Variants in STAU2 observed in about 807,000 individuals in gnomAD.
STAU2 encodes staufen double-stranded RNA binding protein 2.
STAU2 carries 20 observed loss-of-function variants against 65.9 expected under a neutral mutation model. That is an observed-to-expected ratio of 0.30 (90% CI 0.21 to 0.44). STAU2 has a LOEUF of 0.44. Among genes scored for constraint, STAU2 ranks in the 20% least tolerant of loss-of-function variants. STAU2 has a pLI of 1.00. For synonymous variants in STAU2, 232 were observed against 233.9 expected (o/e 0.99, Z 0.07); for missense variants, 558 against 683.9 (o/e 0.82, Z 2.05).
intron 13 of STAU2, among the ~76,000 whole-genome samples, chr8:73,523,335 A>G (rs924375137): frequency 2.0e-5 from 3 of 152,082 alleles, no homozygotes; most frequent in Non-Finnish European, 2.9e-5. Flanking sequence ...AGAGCACAGG[A>G]GAGGCAAGAG....
At chr8:73,697,004 A>G (rs1176448116) in intron 4 of STAU2, among the ~76,000 whole-genome samples, 1 of 152,114 alleles carries the variant, frequency 6.6e-6, no homozygotes, top group African/African-American at 2.4e-5. Context: ...GAAATAAATA[A>G]CATACAATAG....
chr8:73,526,917 G>A lies in STAU2; in HGVS notation c.1530+25095C>T, dbSNP rs548414391. Among the ~76,000 whole-genome samples, 7 of 152,232 alleles carry A rather than the reference G, an allele frequency of 4.6e-5. No individual in the cohort carries two copies. The South Asian group carries it at 1.2e-3, about 27-fold the overall frequency. ...GAACTTTATTTCAATAATATCCCAA[G>A]TTATGGGACTAAGTTGATGGTTCTG... is the stretch of plus-strand genomic sequence containing the variant. On this transcript the variant is annotated intron_variant, in intron 13 of 14. Transcript: ENST00000524300.
chr8:73,734,561 C>T (rs1375761148), intron 3 of STAU2, among the ~76,000 whole-genome samples: 4 of 152,030 alleles, frequency 2.6e-5, no homozygotes, highest in South Asian at 4.1e-4. Flanking sequence ...TTTGAAAGGC[C>T]AAGGCAGGCA....
intron 10 of STAU2, among the ~76,000 whole-genome samples, chr8:73,595,833 C>G (rs1811140925): frequency 6.6e-6 from 1 of 152,042 alleles, no homozygotes; most frequent in Non-Finnish European, 1.5e-5. Context: ...AACAAGGCTT[C>G]TGGCCAGGCG....
At chr8:73,550,204 C>T in intron 13 of STAU2, 3 of 985,108 alleles carry the variant, frequency 3.0e-6, no homozygotes, top group East Asian at 1.1e-4. Flanking sequence ...TCACAATACA[C>T]AGATTTGGAA....
chr8:73,606,224 C>T (rs187373994), intron 9 of STAU2, among the ~76,000 whole-genome samples: 1 of 151,334 alleles, frequency 6.6e-6, no homozygotes, highest in African/African-American at 2.4e-5. Context: ...TAAAATGAAA[C>T]AATATAAATA....
At chr8:73,567,280 G>T (rs1332654008) in intron 12 of STAU2, among the ~76,000 whole-genome samples, 1 of 152,096 alleles carries the variant, frequency 6.6e-6, no homozygotes, top group East Asian at 1.9e-4. Context: ...GGCCGAGGCG[G>T]GCAGATCACC....
intron 12 of STAU2, among the ~76,000 whole-genome samples, chr8:73,565,018 T>C (rs1808499323): frequency 6.6e-6 from 1 of 152,246 alleles, no homozygotes; most frequent in South Asian, 2.1e-4. Context: ...GGATAGGCTC[T>C]GACCAACCTC....
intron 5 of STAU2, among the ~76,000 whole-genome samples, chr8:73,673,963 T>C (rs539568915): frequency 6.6e-6 from 1 of 152,058 alleles, no homozygotes; most frequent in Non-Finnish European, 1.5e-5. Context: ...TTTTACTTAA[T>C]ATACCTCGGA....
At chr8:73,625,564 G>C (rs530458258) in intron 6 of STAU2, among the ~76,000 whole-genome samples, 1 of 152,150 alleles carries the variant, frequency 6.6e-6, no homozygotes, top group Non-Finnish European at 1.5e-5. Flanking sequence ...AGTTTGAGGA[G>C]TAACTGTTAA....
intron 6 of STAU2, among the ~76,000 whole-genome samples, chr8:73,626,860 G>A (rs1001217535): frequency 2.6e-5 from 4 of 152,080 alleles, no homozygotes; most frequent in Non-Finnish European, 2.9e-5. Context: ...AAGCAGCCAC[G>A]CTGAATCTGG....
At chr8:73,721,018 G>A (rs1313203396) in intron 3 of STAU2, among the ~76,000 whole-genome samples, 2 of 149,316 alleles carry the variant, frequency 1.3e-5, no homozygotes, top group South Asian at 2.1e-4. Context: ...CATGGCTCAC[G>A]CATGCAATCC....
chr8:73,744,479 G>A (rs1366266049), intron 1 of STAU2, among the ~76,000 whole-genome samples: 1 of 119,470 alleles, frequency 8.4e-6, no homozygotes, highest in Non-Finnish European at 1.9e-5. Flanking sequence ...AGAAGGGTAG[G>A]CACAAAGGAA....
chr8:73,430,364 C>T (rs1817171894), intron 13 of STAU2, among the ~76,000 whole-genome samples: 1 of 152,180 alleles, frequency 6.6e-6, no homozygotes, highest in African/African-American at 2.4e-5. Flanking sequence ...CGACCAGGTA[C>T]CCCTCTCACA....
chr8:73,596,184 G>A (rs961807994), intron 10 of STAU2, among the ~76,000 whole-genome samples: 12 of 151,254 alleles, frequency 7.9e-5, no homozygotes, highest in African/African-American at 1.2e-4. Flanking sequence ...CTAGCTGTAC[G>A]AACTGGTACA....
At chr8:73,426,799 C>T (rs983868280) in intron 13 of STAU2, among the ~76,000 whole-genome samples, 1 of 152,118 alleles carries the variant, frequency 6.6e-6, no homozygotes, top group Non-Finnish European at 1.5e-5. Context: ...CTATCGATAT[C>T]CTGTGTGATA....
chr8:73,653,065 T>C (rs539228238), intron 6 of STAU2: 1 of 152,230 alleles, frequency 6.6e-6, no homozygotes, highest in South Asian at 2.1e-4. Flanking sequence ...ATAATAGCAA[T>C]TGAAAAGCAT....
chr8:73,599,880 G>C (rs930116226), intron 10 of STAU2, among the ~76,000 whole-genome samples: 1 of 151,898 alleles, frequency 6.6e-6, no homozygotes, highest in African/African-American at 2.4e-5. Context: ...CCATTCTCCT[G>C]CCTCAGCCTC....
chr8:73,740,316 T>C (rs1035976519), intron 1 of STAU2, among the ~76,000 whole-genome samples: 3 of 152,254 alleles, frequency 2.0e-5, no homozygotes, highest in Non-Finnish European at 2.9e-5. Flanking sequence ...TAAATAAGAC[T>C]ATCCTGTCCA....
Sources: allele counts gnomAD v4.1 joint callset (sites outside exome capture counted in the v4.1 genomes callset), GRCh38; gene constraint gnomAD v4.1.1; transcripts MANE v1.5; gene names NCBI Gene and HGNC (gene_info 2026-07-23, HGNC 2026-07-21).